Variants in COL4A1 observed in about 807,000 individuals in gnomAD.
The protein encoded by COL4A1 is collagen type IV alpha 1 chain, also known as collagen alpha-1(IV) chain.
Under a neutral mutation model 216.6 loss-of-function variants are expected in COL4A1, and 40 were observed. The ratio of observed to expected loss-of-function variants is 0.18; its 90% CI spans 0.14 to 0.24. The LOEUF (loss-of-function observed/expected upper bound fraction) is 0.24. Among genes scored for constraint, COL4A1 ranks in the 10% least tolerant of loss-of-function variants. The probability of loss-of-function intolerance (pLI) is 1.00; values close to 1 mark genes in which losing one functional copy is unlikely to be tolerated. For missense variants in COL4A1, 1,628 were observed against 2,196.8 expected, an observed-to-expected ratio of 0.74 and a Z score of 5.18; for synonymous variants, 839 against 810.7, an observed-to-expected ratio of 1.03 and a Z score of -0.59.
At chr13:110,161,120 A>G in intron 49 of COL4A1, 72 bp downstream of exon 49, 1 of 1,498,864 alleles carries the variant, frequency 6.7e-7, no homozygotes, top group Non-Finnish European at 9.3e-7. Context: ...AAAAATAGAA[A>G]ACATATGCTT....
intron 17 of COL4A1, among the ~76,000 whole-genome samples, chr13:110,204,334 T>C (rs149341428): frequency 9.2e-5 from 14 of 152,334 alleles, no homozygotes; most frequent in African/African-American, 3.1e-4. Flanking sequence ...CAGAAGATTT[T>C]AGAAATATCT....
At chr13:110,200,212 T>C (rs1316242857) in intron 20 of COL4A1, among the ~76,000 whole-genome samples, 1 of 152,198 alleles carries the variant, frequency 6.6e-6, no homozygotes, top group East Asian at 1.9e-4. Flanking sequence ...CCTGGGAGAA[T>C]ACCACAGGTG....
chr13:110,211,786 G>T lies in COL4A1; in HGVS notation c.441+83C>A, dbSNP rs1268682112. Reference sequence around the variant, plus strand: ...TATAAGTTATTAAAACATAAGCAAAGAAAGAAAGAAAAGGAAATGGAATGA... The same window carrying T: ...TATAAGTTATTAAAACATAAGCAAATAAAGAAAGAAAAGGAAATGGAATGA... On this transcript the variant is annotated intron_variant, in intron 7 of 51. Transcript: ENST00000375820. This position sits in a 1 kb window ranked among gnomAD's most constrained non-coding sequence, Gnocchi z 4.3. 2.0e-6 allele frequency: 3 copies of T among 1,488,874 alleles called. No individual in the cohort carries two copies. The highest frequency in any genetic ancestry group is 2.8e-6 in the Non-Finnish European group (3 of 1,078,042). 92.2% of individuals were successfully genotyped at this position (1,488,874 alleles called of 1,614,324 possible). A position where few individuals can be genotyped will look rare whatever the true frequency, so the allele number is the denominator to read the frequency against.
rs865912810 is a variant in COL4A1, at chr13:110,156,018, G to A, written c.4641-621C>T. Among the ~76,000 whole-genome samples, 12 of 152,210 alleles carry A rather than the reference G, an allele frequency of 7.9e-5. No individual in the cohort carries two copies. In the East Asian group the frequency reaches 9.6e-4, roughly 12 times the overall value. ...TTCAAGGCTGCAGGGAGCTATGCTC[G>A]GCCTGCCTGTGGGCCACTGCTCTAC... On this transcript the variant is annotated intron_variant, in intron 49 of 51. Coordinates refer to ENST00000375820, the MANE Select transcript of COL4A1 (RefSeq NM_001845.6).
intron 1 of COL4A1, among the ~76,000 whole-genome samples, chr13:110,280,472 G>A (rs578094220): frequency 2.6e-5 from 4 of 152,290 alleles, no homozygotes; most frequent in African/African-American, 4.8e-5. Flanking sequence ...CATTGAAAAC[G>A]AAAACAATTC....
At chr13:110,230,309 G>T (rs966852265) in intron 2 of COL4A1, among the ~76,000 whole-genome samples, 4 of 152,018 alleles carry the variant, frequency 2.6e-5, no homozygotes, top group African/African-American at 9.7e-5. Context: ...TGGTGTGTGC[G>T]TGTATGTGAT....
intron 41 of COL4A1, 124 bp downstream of exon 41, chr13:110,172,596 T>C (rs1241414975): frequency 1.1e-6 from 1 of 904,996 alleles, no homozygotes; most frequent in Non-Finnish European, 1.9e-6. Flanking sequence ...TCAGCACCCA[T>C]CCTCCATCCC....
chr13:110,276,490 C>A (rs1201919367), intron 1 of COL4A1, among the ~76,000 whole-genome samples: 2 of 152,112 alleles, frequency 1.3e-5, no homozygotes, highest in Non-Finnish European at 2.9e-5. Flanking sequence ...CTCCTCTACA[C>A]CCGGAGCGTT....
chr13:110,173,601 G>A (rs899383204), intron 40 of COL4A1, among the ~76,000 whole-genome samples: 3 of 152,156 alleles, frequency 2.0e-5, no homozygotes, highest in African/African-American at 7.2e-5. Flanking sequence ...AACCACAAGG[G>A]AAATGGAAAG....
intron 1 of COL4A1, among the ~76,000 whole-genome samples, chr13:110,269,882 A>G (rs923310309): frequency 6.6e-6 from 1 of 152,122 alleles, no homozygotes; most frequent in Admixed American, 6.5e-5. Flanking sequence ...AGGGGTCTGA[A>G]GCCTCACATA....
chr13:110,195,204 T>C (rs991599512), intron 21 of COL4A1, 86 bp from the exon 22 acceptor site: 1 of 1,044,524 alleles, frequency 9.6e-7, no homozygotes, highest in Non-Finnish European at 1.5e-6. Context: ...AACCAAAATA[T>C]TTTAGGCTAT....
intron 8 of COL4A1, among the ~76,000 whole-genome samples, chr13:110,210,454 G>A (rs996526241): frequency 3.3e-5 from 5 of 151,814 alleles, no homozygotes; most frequent in Admixed American, 3.3e-4. Flanking sequence ...ATGTAGAGAC[G>A]GCAAAGCAAA....
intron 1 of COL4A1, among the ~76,000 whole-genome samples, chr13:110,263,557 G>A (rs1002586701): frequency 2.0e-5 from 3 of 152,096 alleles, no homozygotes; most frequent in Admixed American, 6.6e-5. Context: ...GGACTCATGC[G>A]ATCCTCCTGC....
chr13:110,255,408 C>A (rs1315665698), intron 1 of COL4A1, among the ~76,000 whole-genome samples: 1 of 149,466 alleles, frequency 6.7e-6, no homozygotes, highest in African/African-American at 2.5e-5. Context: ...AGGGCAGCCG[C>A]AAGAAGGCGG....
chr13:110,209,949 T>C (rs1202413584), intron 10 of COL4A1, 31 bp downstream of exon 10: 8 of 1,611,124 alleles, frequency 5.0e-6, no homozygotes, highest in African/African-American at 1.3e-5. Context: ...TTTTAAATGA[T>C]TGCCTCGGAG....
At chr13:110,186,988 T>G (rs1594561306) in intron 25 of COL4A1, 150 bp downstream of exon 25, 3 of 1,052,000 alleles carry the variant, frequency 2.9e-6, no homozygotes, top group Non-Finnish European at 4.3e-6. Flanking sequence ...AGACTTAAGT[T>G]GTTCCATGAA....
chr13:110,243,478 CA>C (rs1881653675), intron 1 of COL4A1, among the ~76,000 whole-genome samples: 1 of 152,124 alleles, frequency 6.6e-6, no homozygotes, highest in Non-Finnish European at 1.5e-5. Flanking sequence ...CCACCACACC[CA>C]GCTAATTTTT....
Position 110,211,782 on chromosome 13 carries a change from C to CAAAG in COL4A1, c.441+83_441+86dup. The stretch of plus-strand genomic sequence containing the variant: ...AAAATATAAGTTATTAAAACATAAG[C>CAAAG]AAAGAAAGAAAGAAAAGGAAATGGA... On this transcript the variant is annotated intron_variant, in intron 7 of 51. Transcript: ENST00000375820. The surrounding 1 kb of genome is among the most constrained non-coding windows in gnomAD (Gnocchi z 4.3). 2 of 1,505,954 alleles carry CAAAG rather than the reference C, an allele frequency of 1.3e-6. No homozygotes were observed. The highest frequency in any genetic ancestry group is 1.8e-6 in the Non-Finnish European group (2 of 1,093,088). The allele number at this position is 1,505,954 out of a possible 1,614,324, so 93.3% of individuals were successfully genotyped here.
Position 110,211,900 on chromosome 13 carries a change from G to A in COL4A1, c.410C>T (p.Pro137Leu), listed in dbSNP as rs746387217. ...GTKGERGPLG[P>L]PGLPGFAGNP... ...TCCAGCGAAACCAGGCAAGCCAGGAGGCCCGAGCGGCCCTCTCTCCCCCTG... is the reference window on the plus strand; with the variant it reads ...TCCAGCGAAACCAGGCAAGCCAGGAAGCCCGAGCGGCCCTCTCTCCCCCTG... Residue 137 changes from proline (P) to leucine (L), a missense_variant, in exon 7 of 52, where the codon CCT becomes CTT. Pro to Leu is a moderately conservative substitution (Grantham distance 98). Around this residue, in one of 8 missense-constraint regions of COL4A1, gnomAD observed 150 missense variants for 211.9 expected, o/e 0.71. Transcript: ENST00000375820. The surrounding 1 kb of genome is among the most constrained non-coding windows in gnomAD (Gnocchi z 4.3). The A allele has an allele frequency of 6.2e-7, 1 of 1,614,116 alleles. No homozygotes were observed. Among genetic ancestry groups the A allele is most frequent in the Non-Finnish European group, 8.5e-7 (1 of 1,180,012 alleles).
Sources: allele counts gnomAD v4.1 joint callset (sites outside exome capture counted in the v4.1 genomes callset), GRCh38; gene constraint gnomAD v4.1.1; regional missense constraint gnomAD v4.1.1; non-coding constraint Gnocchi (gnomAD v3.1); transcripts MANE v1.5; gene names NCBI Gene and HGNC (gene_info 2026-07-23, HGNC 2026-07-21).